Variants in PLA2R1 observed in about 807,000 individuals in gnomAD.
PLA2R1 encodes the protein secretory phospholipase A2 receptor.
PLA2R1 carries 158 observed loss-of-function variants against 195.9 expected under a neutral mutation model. That is an observed-to-expected ratio of 0.81 (90% CI 0.71 to 0.92). The LOEUF (loss-of-function observed/expected upper bound fraction) is 0.92. PLA2R1 is among the 40% of genes least tolerant of loss of function. The pLI is 0.00. For synonymous variants in PLA2R1, 586 were observed against 598.2 expected (o/e 0.98, Z 0.30); for missense variants, 1,626 against 1,764.6 (o/e 0.92, Z 1.41).
intron 17 of PLA2R1, among the ~76,000 whole-genome samples, chr2:159,970,646 G>A (rs1347680864): frequency 1.3e-5 from 2 of 152,134 alleles, no homozygotes; most frequent in East Asian, 3.9e-4. Context: ...TAAAGATACT[G>A]ATTTTAGGTA....
At chr2:159,957,204 C>T (rs1249865939) in intron 20 of PLA2R1, among the ~76,000 whole-genome samples, 1 of 151,890 alleles carries the variant, frequency 6.6e-6, no homozygotes, top group Non-Finnish European at 1.5e-5. Context: ...AGGGTATGAC[C>T]AAAGAAACCT....
chr2:159,982,569 AT>A (rs2105301102), intron 13 of PLA2R1, among the ~76,000 whole-genome samples: 1 of 152,346 alleles, frequency 6.6e-6, no homozygotes, highest in East Asian at 1.9e-4. Context: ...TTGCAAACAT[AT>A]TTGACCATAA....
chr2:160,016,031 G>C (rs985650569), intron 9 of PLA2R1, among the ~76,000 whole-genome samples: 13 of 152,262 alleles, frequency 8.5e-5, no homozygotes, highest in African/African-American at 2.2e-4. Context: ...TTGGGAGGCT[G>C]AGGCAGTAGA....
Position 159,948,399 on chromosome 2 carries a change from T to A in PLA2R1, c.3710-840A>T, listed in dbSNP as rs149805975. Among the ~76,000 whole-genome samples, 751 of 151,790 alleles carry A rather than the reference T, an allele frequency of 4.9e-3. 6 individuals are homozygous for A. The highest frequency in any genetic ancestry group is 0.022 in the South Asian group (103 of 4,784). ...ATAGGCACGTACCACCAAGCCCAGATAATTGAATTTTTTTTTTTTTTTAAC... is the reference window on the plus strand; with the variant it reads ...ATAGGCACGTACCACCAAGCCCAGAAAATTGAATTTTTTTTTTTTTTTAAC... On this transcript the variant is annotated intron_variant, in intron 25 of 29. Coordinates refer to ENST00000283243, the MANE Select transcript of PLA2R1 (RefSeq NM_007366.5).
intron 20 of PLA2R1, among the ~76,000 whole-genome samples, chr2:159,960,741 A>G (rs1688384531): frequency 6.6e-6 from 1 of 152,184 alleles, no homozygotes; most frequent in African/African-American, 2.4e-5. Flanking sequence ...TATCAAACAC[A>G]GAGAAAACTA....
At chr2:159,926,302 G>C in the PLA2R1 span, among the ~76,000 whole-genome samples, 1 of 152,166 alleles carries the variant, frequency 6.6e-6, no homozygotes, top group Non-Finnish European at 1.5e-5. Context: ...TTTTGGAAAG[G>C]CGATAAATGA....
At chr2:159,989,425 C>T (rs1690599639) in intron 11 of PLA2R1, among the ~76,000 whole-genome samples, 1 of 152,180 alleles carries the variant, frequency 6.6e-6, no homozygotes, top group African/African-American at 2.4e-5. Context: ...ACGCACACAT[C>T]CTGCTCCATT....
rs919648140 is a variant in PLA2R1, at chr2:159,934,083, A to C, written c.*7695T>G. 1 of 152,232 alleles carries C rather than the reference A, an allele frequency of 6.6e-6. No homozygotes were observed. Among genetic ancestry groups the C allele is most frequent in the Admixed American group, 6.5e-5 (1 of 15,288 alleles). The allele number at this position is 152,232 out of a possible 1,614,324, so 9.4% of individuals were successfully genotyped here. On this transcript the variant is annotated 3_prime_UTR_variant, in exon 30 of 30. Transcript: ENST00000283243. The stretch of plus-strand genomic sequence containing the variant: ...GAGGGAATAAATATTCCAAGCATGT[A>C]TCTTGATAATCACTACAGTCAAAGT...
chr2:160,033,740 A>G (rs940699207), intron 3 of PLA2R1, among the ~76,000 whole-genome samples: 3 of 152,220 alleles, frequency 2.0e-5, no homozygotes, highest in Non-Finnish European at 4.4e-5. Context: ...GAAATGTAAT[A>G]AAGTATGAAA....
chr2:160,044,899 G>A lies in PLA2R1; in HGVS notation c.368C>T (p.Thr123Ile). ...LRWRCNRKMI[T>I]GPLQYSVQVA... The stretch of plus-strand genomic sequence containing the variant: ...CTGGACAGAGTACTGCAGCGGGCCT[G>A]TGATCATCTTCCTGTTACAGCGCCA... Residue 123 changes from threonine to isoleucine, a missense_variant, in exon 2 of 30, where the codon ACA becomes ATA. Transcript: ENST00000283243. 1 of 1,614,206 alleles carries A rather than the reference G, an allele frequency of 6.2e-7. No individual in the cohort carries two copies. The highest frequency in any genetic ancestry group is 1.3e-5 in the African/African-American group (1 of 75,050).
intron 3 of PLA2R1, among the ~76,000 whole-genome samples, chr2:160,040,128 A>G (rs1290614997): frequency 6.6e-6 from 1 of 152,150 alleles, no homozygotes; most frequent in Non-Finnish European, 1.5e-5. Context: ...TCAGGAGTCA[A>G]GGGGTGTAGA....
chr2:160,014,446 C>T (rs1692598862), intron 9 of PLA2R1, among the ~76,000 whole-genome samples: 1 of 152,120 alleles, frequency 6.6e-6, no homozygotes, highest in African/African-American at 2.4e-5. Flanking sequence ...TCTGAAATCA[C>T]ACAGTATGGT....
chr2:159,986,666 A>T (rs2105318486), intron 12 of PLA2R1, among the ~76,000 whole-genome samples: 1 of 151,384 alleles, frequency 6.6e-6, no homozygotes, highest in East Asian at 1.9e-4. Context: ...GGCTCACTGC[A>T]ACCTCTGCCT....
In PLA2R1 at chr2:159,990,684, G is replaced by T. The variant is rs142132654; in HGVS notation, c.1835-3326C>A. ...GGCAAGGCAAGTTTCCTGCAATGCT[G>T]TGTATCTGCCAGGCACTGTGCTAGG... On this transcript the variant is annotated intron_variant, in intron 11 of 29. Coordinates refer to ENST00000283243, the MANE Select transcript of PLA2R1 (RefSeq NM_007366.5). Among the ~76,000 whole-genome samples the T allele has an allele frequency of 1.7e-3, 261 of 152,314 alleles. 1 individual carries two copies. Among genetic ancestry groups the T allele is most frequent in the African/African-American group, 6.0e-3 (248 of 41,574 alleles).
rs1398396747 is a variant in PLA2R1 at position 160,042,551 on chromosome 2, T to C, written c.494-353A>G. Among the ~76,000 whole-genome samples, 3 of 152,336 alleles carry C rather than the reference T, an allele frequency of 2.0e-5. 1 individual carries two copies. The highest frequency in any genetic ancestry group is 1.5e-5 in the Non-Finnish European group (1 of 68,030). On this transcript the variant is annotated intron_variant, in intron 2 of 29. Coordinates refer to ENST00000283243, the MANE Select transcript of PLA2R1 (RefSeq NM_007366.5). ...TCGCCAAACACATCAGCCATTAGCA[T>C]CTAAAGCTCAATAGATTCATAGGCA...
intron 10 of PLA2R1, among the ~76,000 whole-genome samples, chr2:160,012,136 A>G (rs1692406569): frequency 6.6e-6 from 1 of 152,212 alleles, no homozygotes; most frequent in Non-Finnish European, 1.5e-5. Flanking sequence ...AATTAGGCTT[A>G]TATGGGAAGG....
At chr2:160,008,576 A>T (rs1281448085) in intron 10 of PLA2R1, among the ~76,000 whole-genome samples, 1 of 152,226 alleles carries the variant, frequency 6.6e-6, no homozygotes, top group African/African-American at 2.4e-5. Flanking sequence ...TAAACATGAG[A>T]GCTAAAACTA....
chr2:159,997,030 GCT>G (rs1249366955), intron 11 of PLA2R1, among the ~76,000 whole-genome samples: 1 of 152,066 alleles, frequency 6.6e-6, no homozygotes, highest in East Asian at 1.9e-4. Context: ...TAGCTGACTG[GCT>G]CTGATGCTTG....
chr2:160,042,010 A>G lies in PLA2R1; in HGVS notation c.667+15T>C. On this transcript the variant is annotated intron_variant, in intron 3 of 29. Transcript: ENST00000283243. ...TTCATTCATGACATATAGAGAAGAC[A>G]AAATTTATTCTTACTGGGATCAGGG... The G allele has an allele frequency of 1.9e-6, 3 of 1,604,584 alleles. No individual in the cohort carries two copies. The highest frequency in any genetic ancestry group is 2.6e-6 in the Non-Finnish European group (3 of 1,171,982).
Sources: gnomAD v4.1 joint callset for allele counts (sites outside exome capture counted in the v4.1 genomes callset) on GRCh38, gnomAD v4.1.1 for gene constraint, MANE v1.5 for transcripts, NCBI Gene and HGNC (gene_info 2026-07-23, HGNC 2026-07-21) for gene names.